The following PLD3 variants were observed in gnomAD, a reference collection of about 807,000 sequenced individuals.
PLD3 encodes the protein phospholipase D family member 3.
In PLD3, 31 loss-of-function variants were observed where a neutral mutation model predicts 58.4. That is an observed-to-expected ratio of 0.53 (90% CI 0.40 to 0.72). The LOEUF is 0.72. Among genes scored for constraint, PLD3 ranks in the 30% least tolerant of loss-of-function variants. The probability of loss-of-function intolerance (pLI) is 0.00; values close to 1 mark genes in which losing one functional copy is unlikely to be tolerated. For synonymous variants in PLD3, 264 were observed against 273.4 expected (o/e 0.97, Z 0.34); for missense variants, 595 against 659.8 (o/e 0.90, Z 1.08).
intron 1 of PLD3, among the ~76,000 whole-genome samples, chr19:40,349,512 C>T (rs1043801198): frequency 6.6e-6 from 1 of 152,194 alleles, no homozygotes; most frequent in South Asian, 2.1e-4. Context: ...CTCTGGATAC[C>T]TTGACTGCCT....
chr19:40,355,187 C>T (rs1440067534), intron 1 of PLD3, among the ~76,000 whole-genome samples: 1 of 152,102 alleles, frequency 6.6e-6, no homozygotes, highest in Non-Finnish European at 1.5e-5. Flanking sequence ...GTTGTGATGC[C>T]ACTGTCTCCC....
chr19:40,376,882 T>TG, intron 11 of PLD3, 108 bp downstream of exon 11: 1 of 1,092,482 alleles, frequency 9.2e-7, no homozygotes, highest in Non-Finnish European at 1.3e-6. Flanking sequence ...GAGTGAGCCC[T>TG]GTCACTGTGG....
chr19:40,369,864 G>A, intron 6 of PLD3, 44 bp from the exon 7 acceptor site: 1 of 1,509,518 alleles, frequency 6.6e-7, no homozygotes, highest in Non-Finnish European at 8.9e-7. Flanking sequence ...TGGGGTTGGA[G>A]AGCTGGCTGG....
At position 40,366,925 on chromosome 19, in the gene PLD3, G is replaced by C; in HGVS notation, c.245+10G>C. ...GCTATGACCCTTGCGAGTAAGTGGG[G>C]GGTGCTGCAGTTGGTGGGGGAGGGG... On this transcript the variant is annotated intron_variant, in intron 5 of 12. Transcript: ENST00000409735. 1 of 1,588,908 alleles carries C rather than the reference G, an allele frequency of 6.3e-7. No individual in the cohort carries two copies. Among genetic ancestry groups the C allele is most frequent in the Non-Finnish European group, 8.6e-7 (1 of 1,166,848 alleles).
chr19:40,374,697 C>T (rs373913886), intron 10 of PLD3, 77 bp downstream of exon 10: 5 of 1,514,510 alleles, frequency 3.3e-6, no homozygotes, highest in South Asian at 1.2e-5. Flanking sequence ...GACCAGAAAG[C>T]TGGTGGGGGC....
intron 8 of PLD3, 91 bp from the exon 9 acceptor site, chr19:40,371,581 CA>C (rs985535272): frequency 8.9e-6 from 7 of 782,538 alleles, no homozygotes; most frequent in African/African-American, 8.6e-5. Flanking sequence ...TACTGTGGGA[CA>C]GGGGGAAAGA....
intron 8 of PLD3, chr19:40,371,350 G>C (rs2079062724): frequency 3.2e-6 from 1 of 310,614 alleles, no homozygotes; most frequent in South Asian, 5.5e-5. Flanking sequence ...GAGCCCAGAG[G>C]AATGCCTGGT....
At chr19:40,366,210 G>A (rs1448538211) in intron 2 of PLD3, 1 of 554,840 alleles carries the variant, frequency 1.8e-6, no homozygotes, top group Non-Finnish European at 3.2e-6. Flanking sequence ...GGTGGGCACT[G>A]CAGAGTGAAG....
chr19:40,357,095 T>G (rs997571994), intron 1 of PLD3: 6 of 152,302 alleles, frequency 3.9e-5, no homozygotes, highest in Middle Eastern at 3.4e-3. Context: ...AGTGTTCTGT[T>G]CCGTTTTCTG....
chr19:40,370,138 G>A lies in PLD3; in HGVS notation c.579G>A (p.Gln193=). 6.2e-7 allele frequency: 1 copy of A among 1,613,608 alleles called. No homozygotes were observed. Among genetic ancestry groups the A allele is most frequent in the Non-Finnish European group, 8.5e-7 (1 of 1,179,812 alleles). The change falls in exon 8 of 13, where the codon CAG becomes CAA. Residue 193 remains glutamine, a synonymous_variant. Transcript: ENST00000409735. ...CCCAGGTCCGCATGGTGGACATGCA[G>A]AAGCTGACCCATGGCGTCCTGCATA... The part of the protein sequence containing the change: ...SGAQVRMVDM[Q]KLTHGVLHTK...
intron 11 of PLD3, among the ~76,000 whole-genome samples, chr19:40,377,573 G>A (rs1015386851): frequency 4.6e-5 from 7 of 151,954 alleles, no homozygotes; most frequent in African/African-American, 1.5e-4. Context: ...CCATTCTGCC[G>A]GGAACAGTGT....
chr19:40,371,904 T>G lies in PLD3; in HGVS notation c.879+31T>G, dbSNP rs774371886. The G allele has an allele frequency of 5.1e-6, 8 of 1,558,512 alleles. No homozygotes were observed. The Admixed American group carries it at 1.2e-4, about 23-fold the overall frequency. ...TCTGGGGCAAGTGGGGCCTGTCATG[T>G]CCCAGCCCCATGCCGTCACTCACAG... On this transcript the variant is annotated intron_variant, in intron 9 of 12. Transcript: ENST00000409735.
intron 1 of PLD3, among the ~76,000 whole-genome samples, chr19:40,352,380 T>G (rs1600254002): frequency 6.6e-6 from 1 of 151,906 alleles, no homozygotes; most frequent in South Asian, 2.1e-4. Flanking sequence ...TCCCAGACGG[T>G]GGGGGGCAGG....
chr19:40,350,260 C>CAAAA (rs763559067), intron 1 of PLD3, among the ~76,000 whole-genome samples: 10 of 68,030 alleles, frequency 1.5e-4, no homozygotes, highest in Admixed American at 6.6e-4. Flanking sequence ...GACTCCGTCT[C>CAAAA]AAAAAAAAAA....
At chr19:40,362,499 G>A (rs1053025143) in intron 1 of PLD3, among the ~76,000 whole-genome samples, 7 of 152,232 alleles carry the variant, frequency 4.6e-5, no homozygotes, top group South Asian at 2.1e-4. Context: ...GAGGTGGTGC[G>A]ATCACTGCTC....
At chr19:40,355,321 G>GT (rs200891210) in intron 1 of PLD3, among the ~76,000 whole-genome samples, 3,288 of 140,140 alleles carry the variant, frequency 0.023, 60 homozygotes, top group Non-Finnish European at 0.031. Flanking sequence ...TTTGTTTTTT[G>GT]TTTTTTTTGA....
At chr19:40,368,731 G>A (rs79272188) in intron 6 of PLD3, among the ~76,000 whole-genome samples, 8,482 of 151,476 alleles carry the variant, frequency 0.056, 323 homozygotes, top group East Asian at 0.17. Flanking sequence ...AGTGAGACCC[G>A]CCCCCCACCT....
At chr19:40,368,508 T>G (rs1369355642) in intron 6 of PLD3, among the ~76,000 whole-genome samples, 1 of 152,176 alleles carries the variant, frequency 6.6e-6, no homozygotes, top group Non-Finnish European at 1.5e-5. Context: ...TGAAAAACCA[T>G]GAATTTGTTC....
intron 1 of PLD3, 25 bp downstream of exon 1, chr19:40,348,793 C>G (rs1427309731): frequency 6.4e-6 from 2 of 313,406 alleles, no homozygotes; most frequent in African/African-American, 4.3e-5. Context: ...GGGGGCGCGG[C>G]GCCTCGGCTA....
Sources: allele counts gnomAD v4.1 joint callset (sites outside exome capture counted in the v4.1 genomes callset), GRCh38; gene constraint gnomAD v4.1.1; transcripts MANE v1.5; gene names NCBI Gene and HGNC (gene_info 2026-07-23, HGNC 2026-07-21).